CDHR4: variants seen among roughly 807,000 people sequenced by gnomAD.
CDHR4 encodes cadherin related family member 4, also known as cadherin-related family member 4.
In CDHR4, 89 loss-of-function variants were observed where a neutral mutation model predicts 88.4. The ratio of observed to expected loss-of-function variants is 1.01; its 90% CI spans 0.85 to 1.20. The LOEUF (loss-of-function observed/expected upper bound fraction) is 1.20. Ranked by LOEUF, CDHR4 falls within the 50% of genes most tolerant of loss-of-function variation. The probability of loss-of-function intolerance (pLI) is 0.00; values close to 1 mark genes in which losing one functional copy is unlikely to be tolerated. For synonymous variants in CDHR4, 368 were observed against 399.2 expected, an observed-to-expected ratio of 0.92 and a Z score of 0.93; for missense variants, 914 against 1,007.2, an observed-to-expected ratio of 0.91 and a Z score of 1.25.
chr3:49,792,113 A>G (rs1478981476), intron 15 of CDHR4, among the ~76,000 whole-genome samples, 154 bp from the exon 16 acceptor site: 1 of 152,308 alleles, frequency 6.6e-6, no homozygotes, highest in Non-Finnish European at 1.5e-5. Context: ...GCTCAGTCCT[A>G]TGTCCACAAG....
In CDHR4 at chr3:49,796,362, CT is replaced by C. The variant is rs1379863533; in HGVS notation, c.607-317del. 1.2e-3 allele frequency among the ~76,000 whole-genome samples: 174 copies of C among 145,718 alleles called. 1 individual carries two copies. The highest frequency in any genetic ancestry group is 1.2e-3 in the Non-Finnish European group (78 of 65,772). Reference sequence around the variant, plus strand: ...ACTGCACTGACCATTTTACTCAGAACTTTTTTTTTTTTTGCCCATGTTGGAG... The same window carrying C: ...ACTGCACTGACCATTTTACTCAGAACTTTTTTTTTTTTGCCCATGTTGGAG... On this transcript the variant is annotated intron_variant, in intron 5 of 18. Coordinates refer to ENST00000412678, the MANE Select transcript of CDHR4 (RefSeq NM_001007540.4).
rs1163910865 is a variant in CDHR4 at position 49,791,789 on chromosome 3, A to T, written c.2208T>A (p.Thr736=). 75 of 1,551,604 alleles carry T rather than the reference A, an allele frequency of 4.8e-5. No homozygotes were observed. The highest frequency in any genetic ancestry group is 6.4e-5 in the Non-Finnish European group (73 of 1,147,002). Residue 736 remains threonine, a synonymous_variant, in exon 17 of 19, where the codon ACT becomes ACA. Transcript: ENST00000412678. ...CCAGGAAACCCTCGATGGATCCCTC[A>T]GTTCCCTGGATGCTGGGGCAAAGTA... ...QALLLNSIQG[T]EGSIEGFLEA...
At chr3:49,793,753 A>G (rs1356778652) in intron 11 of CDHR4, 31 bp from the exon 12 acceptor site, 3 of 1,551,478 alleles carry the variant, frequency 1.9e-6, no homozygotes, top group Non-Finnish European at 2.6e-6. Flanking sequence ...TTCAGCCTGC[A>G]GGGCCAACTC....
intron 18 of CDHR4, 130 bp downstream of exon 18, chr3:49,791,311 A>G: frequency 2.0e-6 from 2 of 1,013,738 alleles, no homozygotes; most frequent in South Asian, 1.7e-5. Flanking sequence ...GACCCCATTC[A>G]GGAAAAAAGC....
At chr3:49,796,343 C>T (rs2081270453) in intron 5 of CDHR4, among the ~76,000 whole-genome samples, 1 of 152,070 alleles carries the variant, frequency 6.6e-6, no homozygotes, top group Non-Finnish European at 1.5e-5. Flanking sequence ...CCAGACTGCA[C>T]TGACCATTTT....
At position 49,792,608 on chromosome 3, in the gene CDHR4, C is replaced by A. The variant is rs1274983660; in HGVS notation, c.1998G>T (p.Val666=). 1.3e-6 allele frequency: 2 copies of A among 1,551,588 alleles called. No homozygotes were observed. The highest frequency in any genetic ancestry group is 1.7e-6 in the Non-Finnish European group (2 of 1,146,920). Residue 666 remains valine (V), a splice_region_variant and synonymous_variant, in exon 15 of 19, where the codon GTG becomes GTT. Coordinates refer to ENST00000412678, the MANE Select transcript of CDHR4 (RefSeq NM_001007540.4). ...TVATSTHRTT[V]PSTMTPMLVT... Reference sequence around the variant, plus strand: ...CGAGCATGGGTGTCATCGTTGAGGGCACCTGAAAAGGAGGCCACAGCCTCA... The same window carrying A: ...CGAGCATGGGTGTCATCGTTGAGGGAACCTGAAAAGGAGGCCACAGCCTCA...
At position 49,799,293 on chromosome 3, in the gene CDHR4, A is replaced by T; in HGVS notation, c.194T>A (p.Phe65Tyr). ...CCACCTGGCCAAGCTGGGTGGGTTG[A>T]AGAAGGTGGTGGGTGGCTGGACATT... ...LLNVQPPTTF[F>Y]NPPSLARWQG... The change falls in exon 2 of 19, where the codon TTC becomes TAC. Residue 65 changes from phenylalanine to tyrosine, a missense_variant. Phe to Tyr is a conservative substitution (Grantham distance 22). Coordinates refer to ENST00000412678, the MANE Select transcript of CDHR4 (RefSeq NM_001007540.4). 6.2e-7 allele frequency: 1 copy of T among 1,613,838 alleles called. No individual in the cohort carries two copies. Among genetic ancestry groups the T allele is most frequent in the South Asian group, 1.1e-5 (1 of 91,076 alleles).
rs2108275063 is a variant in CDHR4 at position 49,791,767 on chromosome 3, G to T, written c.2230C>A (p.Leu744Met). 1 of 1,551,696 alleles carries T rather than the reference G, an allele frequency of 6.4e-7. No individual in the cohort carries two copies. The highest frequency in any genetic ancestry group is 2.0e-5 in the Admixed American group (1 of 51,004). The change falls in exon 17 of 19, where the codon CTG (leucine) becomes ATG (methionine). Residue 744 changes from leucine (L) to methionine (M), a missense_variant. Physicochemically the swap from Leu to Met is conservative, Grantham distance 15 (BLOSUM62 2). Transcript: ENST00000412678. Reference protein sequence around the residue: ...QGTEGSIEGFLEAPKMEMSQA... With the variant: ...QGTEGSIEGFMEAPKMEMSQA... ...GACATCTCCATCTTCGGTGCCTCCA[G>T]GAAACCCTCGATGGATCCCTCAGTT...
chr3:49,796,379 CAT>C (rs910714105), intron 5 of CDHR4, among the ~76,000 whole-genome samples: 1 of 151,326 alleles, frequency 6.6e-6, no homozygotes, highest in African/African-American at 2.4e-5. Flanking sequence ...TTTTTTTGCC[CAT>C]GTTGGAGCAC....
In CDHR4 at chr3:49,799,669, C is replaced by T. The variant is rs7641149; in HGVS notation, c.49+95G>A. The T allele has an allele frequency of 9.3e-4, 1,285 of 1,383,328 alleles. 12 individuals carry two copies. In the African/African-American group the frequency reaches 0.016, roughly 17 times the overall value. The allele number at this position is 1,383,328 out of a possible 1,614,324, so 85.7% of individuals were successfully genotyped here. On this transcript the variant is annotated intron_variant, in intron 1 of 18. Transcript: ENST00000412678. Reference sequence around the variant, plus strand: ...GGGTTCAGATTCTTACACTTTCCTACCTCTCCCCCAATCCCTGTCCTCCAT... The same window carrying T: ...GGGTTCAGATTCTTACACTTTCCTATCTCTCCCCCAATCCCTGTCCTCCAT...
chr3:49,793,901 A>G lies in CDHR4; in HGVS notation c.1385T>C (p.Leu462Pro). 1 of 1,551,768 alleles carries G rather than the reference A, an allele frequency of 6.4e-7. No individual in the cohort carries two copies. The highest frequency in any genetic ancestry group is 8.7e-7 in the Non-Finnish European group (1 of 1,146,994). ...CATATCCGTGCCCACCACGGAGCCC[A>G]GTAGAGTGTGGGGCGCCGCATCCTC... is the stretch of plus-strand genomic sequence containing the variant. ...VQEDAAPHTLLGSVVGTDMDY... is the reference protein window; with the variant it reads ...VQEDAAPHTLPGSVVGTDMDY... The change falls in exon 11 of 19, where the codon CTG becomes CCG. Residue 462 changes from leucine to proline, a missense_variant. Physicochemically the swap from Leu to Pro is moderately conservative, Grantham distance 98. Transcript: ENST00000412678.
At chr3:49,791,493 T>TG (rs2081179284) in intron 17 of CDHR4, 25 bp from the exon 18 acceptor site, 1 of 1,528,416 alleles carries the variant, frequency 6.5e-7, no homozygotes, top group African/African-American at 1.4e-5. Context: ...AAAAAAAAGA[T>TG]GCAATGAATT....
chr3:49,795,650 G>T lies in CDHR4; in HGVS notation c.825C>A (p.Ser275Arg). The change falls in exon 7 of 19, where the codon AGC (serine) becomes AGA (arginine). Residue 275 changes from serine to arginine, a missense_variant. By Grantham distance (110) the Ser-to-Arg change is moderately radical (BLOSUM62 -1). Transcript: ENST00000412678. This position sits in a 1 kb window ranked among gnomAD's most constrained non-coding sequence, Gnocchi z 5.4. Reference protein sequence around the residue: ...LRYEILSPVPSPLFSIGRADG... With the variant: ...LRYEILSPVPRPLFSIGRADG... The stretch of plus-strand genomic sequence containing the variant: ...CACCACGACCAATGGAGAAGAGTGG[G>T]CTGGGCACCGGAGACAGGATTTCAT... 6.4e-7 allele frequency: 1 copy of T among 1,551,666 alleles called. No homozygotes were observed. The highest frequency in any genetic ancestry group is 2.4e-5 in the East Asian group (1 of 40,928).
Position 49,792,572 on chromosome 3 carries a change from T to C in CDHR4, c.2034A>G (p.Thr678=). 6.4e-7 allele frequency: 1 copy of C among 1,551,680 alleles called. No homozygotes were observed. The highest frequency in any genetic ancestry group is 8.7e-7 in the Non-Finnish European group (1 of 1,146,968). The change falls in exon 15 of 19, where the codon ACA becomes ACG. Residue 678 remains threonine, a synonymous_variant. Transcript: ENST00000412678. ...AGGGCTGTGGCTGCCAGAAAGCCTC[T>C]GTGTCTGTCACGAGCATGGGTGTCA... ...STMTPMLVTD[T]EAFWQPQPWF... is the part of the protein sequence containing the mutation.
Position 49,796,860 on chromosome 3 carries a change from T to C in CDHR4, c.606+62A>G, listed in dbSNP as rs544899176. The C allele has an allele frequency of 1.9e-4, 252 of 1,359,184 alleles. 5 individuals are homozygous for C. The South Asian group carries it at 3.0e-3, about 16-fold the overall frequency. 84.2% of individuals were successfully genotyped at this position (1,359,184 alleles called of 1,614,324 possible). A position where few individuals can be genotyped will look rare whatever the true frequency, so the allele number is the denominator to read the frequency against. ...GCCAAGGAGGCCAAGAATAAACAAATTTCTAAAAGGTAGGCACTCTACCCA... is the reference window on the plus strand; with the variant it reads ...GCCAAGGAGGCCAAGAATAAACAAACTTCTAAAAGGTAGGCACTCTACCCA... On this transcript the variant is annotated intron_variant, in intron 5 of 18. Coordinates refer to ENST00000412678, the MANE Select transcript of CDHR4 (RefSeq NM_001007540.4).
rs138102022 is a variant in CDHR4 at position 49,795,777 on chromosome 3, G to A, written c.711-13C>T. Reference sequence around the variant, plus strand: ...CTGAGCCTGCTCGCTGGACCAAAAGGGGGGCACTGGTTCCTGCCCATTCCT... The same window carrying A: ...CTGAGCCTGCTCGCTGGACCAAAAGAGGGGCACTGGTTCCTGCCCATTCCT... On this transcript the variant is annotated splice_polypyrimidine_tract_variant and intron_variant, in intron 6 of 18. Coordinates refer to ENST00000412678, the MANE Select transcript of CDHR4 (RefSeq NM_001007540.4). This position sits in a 1 kb window ranked among gnomAD's most constrained non-coding sequence, Gnocchi z 5.4. 3.0e-5 allele frequency: 47 copies of A among 1,551,498 alleles called. No individual in the cohort carries two copies. Among genetic ancestry groups the A allele is most frequent in the Non-Finnish European group, 3.9e-5 (45 of 1,146,952 alleles).
intron 2 of CDHR4, 39 bp downstream of exon 2, chr3:49,799,208 T>C: frequency 6.2e-7 from 1 of 1,608,348 alleles, no homozygotes; most frequent in South Asian, 1.1e-5. Context: ...AGGTCTGCCC[T>C]TGTGCCCCCA....
At chr3:49,797,076 C>A (rs2081282440) in intron 4 of CDHR4, 44 bp from the exon 5 acceptor site, 1 of 1,486,488 alleles carries the variant, frequency 6.7e-7, no homozygotes, top group Non-Finnish European at 9.2e-7. Context: ...GCCCCCAGTG[C>A]CCTGAGCACC....
intron 17 of CDHR4, 63 bp downstream of exon 17, chr3:49,791,651 G>C (rs1466940754): frequency 1.1e-5 from 17 of 1,526,298 alleles, no homozygotes; most frequent in Non-Finnish European, 1.3e-5. Context: ...AGGCTTGGAG[G>C]GGGCAGGGGA....
Sources: allele counts gnomAD v4.1 joint callset (sites outside exome capture counted in the v4.1 genomes callset), GRCh38; gene constraint gnomAD v4.1.1; non-coding constraint Gnocchi (gnomAD v3.1); transcripts MANE v1.5; gene names NCBI Gene and HGNC (gene_info 2026-07-23, HGNC 2026-07-21).